The following AGBL4 variants were observed in gnomAD, a reference collection of about 807,000 sequenced individuals.
The protein encoded by AGBL4 is cytosolic carboxypeptidase 6.
In AGBL4, 58 loss-of-function variants were observed where a neutral mutation model predicts 66.4. The ratio of observed to expected loss-of-function variants is 0.87; its 90% CI spans 0.71 to 1.09. The LOEUF (loss-of-function observed/expected upper bound fraction) is 1.09, where lower values mean the gene tolerates loss of function less well. Ranked by LOEUF, AGBL4 falls within the 50% of genes least tolerant of loss-of-function variation. AGBL4 has a pLI of 0.00. For missense variants in AGBL4, 579 were observed against 631.0 expected (o/e 0.92, Z 0.88); for synonymous variants, 234 against 222.9 (o/e 1.05, Z -0.44).
Position 48,828,185 on chromosome 1 carries a change from CA to C in AGBL4, c.634+39005del, listed in dbSNP as rs569351077. The stretch of plus-strand genomic sequence containing the variant: ...TACTCCAGCCTGGGCAACTCCATCT[CA>C]AAAAAAAAAAAAAAGAAAAAAAGAA... On this transcript the variant is annotated intron_variant, in intron 6 of 13. Transcript: ENST00000371839. Among the ~76,000 whole-genome samples the C allele has an allele frequency of 4.5e-3, 561 of 123,358 alleles. 6 individuals carry two copies. The East Asian group carries it at 0.056, about 12-fold the overall frequency. 80.9% of individuals were successfully genotyped at this position (123,358 alleles called of 152,430 possible).
At chr1:49,337,513 C>T (rs1389102692) in intron 3 of AGBL4, among the ~76,000 whole-genome samples, 1 of 152,138 alleles carries the variant, frequency 6.6e-6, no homozygotes, top group Non-Finnish European at 1.5e-5. Flanking sequence ...GGGAATCTTG[C>T]TCTTGGAGCA....
At chr1:48,961,080 GGTGTGTGT>G (rs140660896) in intron 5 of AGBL4, among the ~76,000 whole-genome samples, 2 of 148,626 alleles carry the variant, frequency 1.3e-5, no homozygotes, top group Non-Finnish European at 3.0e-5. Flanking sequence ...CCCAGTCTGG[GGTGTGTGT>G]GTGTGTGTGT....
chr1:49,204,726 A>C (rs528566063), intron 4 of AGBL4, among the ~76,000 whole-genome samples: 1 of 152,240 alleles, frequency 6.6e-6, no homozygotes, highest in Non-Finnish European at 1.5e-5. Flanking sequence ...AGGACAAATG[A>C]TATTACCCAC....
chr1:49,055,379 C>G (rs1381421386), intron 4 of AGBL4, among the ~76,000 whole-genome samples: 1 of 151,884 alleles, frequency 6.6e-6, no homozygotes, highest in Non-Finnish European at 1.5e-5. Flanking sequence ...TACTAAAAGG[C>G]TTATTTCTAG....
chr1:49,796,527 A>T (rs1002406792), intron 2 of AGBL4, among the ~76,000 whole-genome samples: 17 of 150,990 alleles, frequency 1.1e-4, no homozygotes, highest in Admixed American at 3.3e-4. Flanking sequence ...TAAATTTAAA[A>T]TTTAATTTAA....
chr1:49,798,039 C>T (rs1048461278), intron 2 of AGBL4, among the ~76,000 whole-genome samples: 3 of 152,104 alleles, frequency 2.0e-5, no homozygotes, highest in African/African-American at 4.8e-5. Context: ...CATGAGCCAC[C>T]TTGCCCGGCC....
Position 49,386,027 on chromosome 1 carries a change from G to A in AGBL4, c.283-140163C>T, listed in dbSNP as rs560049821. On this transcript the variant is annotated intron_variant, in intron 3 of 13. Transcript: ENST00000371839. ...GTTAATGCTGTGGTAAACTAATTCT[G>A]TTTCTCCTCTTGTAGACACTATAAA... Among the ~76,000 whole-genome samples the A allele has an allele frequency of 1.9e-4, 29 of 152,048 alleles. 1 individual carries two copies. In the South Asian group the frequency reaches 5.4e-3, roughly 28 times the overall value.
At chr1:49,822,788 A>G (rs903594817) in intron 2 of AGBL4, among the ~76,000 whole-genome samples, 2 of 152,148 alleles carry the variant, frequency 1.3e-5, no homozygotes, top group South Asian at 4.1e-4. Flanking sequence ...ATGACTTGCA[A>G]TGATGGGGAC....
intron 3 of AGBL4, among the ~76,000 whole-genome samples, chr1:49,356,639 T>C (rs747344635): frequency 2.0e-5 from 3 of 152,182 alleles, no homozygotes; most frequent in Non-Finnish European, 4.4e-5. Context: ...CAAAGTGACC[T>C]TGGTTATCAA....
At chr1:49,162,572 G>C (rs981740337) in intron 4 of AGBL4, among the ~76,000 whole-genome samples, 1 of 152,172 alleles carries the variant, frequency 6.6e-6, no homozygotes, top group Admixed American at 6.6e-5. Context: ...CCTTCAAGTT[G>C]ATCTTTCATG....
At chr1:48,740,232 T>C (rs1376948757) in intron 6 of AGBL4, among the ~76,000 whole-genome samples, 1 of 152,150 alleles carries the variant, frequency 6.6e-6, no homozygotes, top group Non-Finnish European at 1.5e-5. Flanking sequence ...CCCCTGAGGT[T>C]AGCAAGGCTC....
intron 3 of AGBL4, among the ~76,000 whole-genome samples, chr1:49,515,067 C>G (rs2148791129): frequency 6.6e-6 from 1 of 152,164 alleles, no homozygotes; most frequent in East Asian, 1.9e-4. Context: ...AGCTTCTGCA[C>G]AGCAAAAGAA....
chr1:49,932,841 G>A (rs1653506730), intron 1 of AGBL4, among the ~76,000 whole-genome samples: 1 of 151,986 alleles, frequency 6.6e-6, no homozygotes, highest in Admixed American at 6.6e-5. Flanking sequence ...ATCAGCAAAT[G>A]CAAAAACTAA....
chr1:49,685,208 C>T (rs1646765236), intron 3 of AGBL4, among the ~76,000 whole-genome samples: 1 of 152,130 alleles, frequency 6.6e-6, no homozygotes, highest in South Asian at 2.1e-4. Flanking sequence ...ACCCATGTTG[C>T]TGCAAAGGAC....
At chr1:48,831,951 C>A (rs1277757565) in intron 6 of AGBL4, among the ~76,000 whole-genome samples, 1 of 152,164 alleles carries the variant, frequency 6.6e-6, no homozygotes, top group Non-Finnish European at 1.5e-5. Flanking sequence ...CATTACAGAT[C>A]TACTTTAGCA....
At chr1:48,898,283 G>A (rs1439331460) in intron 5 of AGBL4, among the ~76,000 whole-genome samples, 2 of 152,100 alleles carry the variant, frequency 1.3e-5, no homozygotes, top group African/African-American at 4.8e-5. Flanking sequence ...TGTTTCCTTT[G>A]CTGTGCAGAA....
rs553427714 is a variant in AGBL4, at chr1:49,843,048, C to T, written c.157+8348G>A. Among the ~76,000 whole-genome samples, 5 of 152,252 alleles carry T rather than the reference C, an allele frequency of 3.3e-5. No individual in the cohort carries two copies. In the South Asian group the frequency reaches 1.0e-3, roughly 32 times the overall value. Reference sequence around the variant, plus strand: ...TCCCAGCCCACTGACAGGCAATTTCCCATTGGCATCAGGTGGGAAGAGTGG... The same window carrying T: ...TCCCAGCCCACTGACAGGCAATTTCTCATTGGCATCAGGTGGGAAGAGTGG... On this transcript the variant is annotated intron_variant, in intron 2 of 13. Transcript: ENST00000371839.
intron 3 of AGBL4, among the ~76,000 whole-genome samples, chr1:49,426,745 G>T (rs2148650959): frequency 6.6e-6 from 1 of 152,284 alleles, no homozygotes; most frequent in Non-Finnish European, 1.5e-5. Context: ...GAGTCAGGAG[G>T]ATTAAGTAGC....
chr1:48,983,450 A>G (rs1043980155), intron 5 of AGBL4, among the ~76,000 whole-genome samples: 1 of 152,226 alleles, frequency 6.6e-6, no homozygotes, highest in Non-Finnish European at 1.5e-5. Flanking sequence ...TCACTGACAA[A>G]TAGGCATCCC....
Sources: gnomAD v4.1 joint callset for allele counts (sites outside exome capture counted in the v4.1 genomes callset) on GRCh38, gnomAD v4.1.1 for gene constraint, MANE v1.5 for transcripts, NCBI Gene and HGNC (gene_info 2026-07-23, HGNC 2026-07-21) for gene names.